NLRP13: variants seen among roughly 807,000 people sequenced by gnomAD.
The protein encoded by NLRP13 is NLR family pyrin domain containing 13, also known as NACHT, LRR and PYD domains-containing protein 13.
In NLRP13, 82 loss-of-function variants were observed where a neutral mutation model predicts 94.4. The observed-to-expected ratio is 0.87, with a 90% CI of 0.73 to 1.04. The LOEUF (loss-of-function observed/expected upper bound fraction) is 1.04, where lower values mean the gene tolerates loss of function less well. NLRP13 is among the 50% of genes least tolerant of loss of function. The probability of loss-of-function intolerance (pLI) is 0.00; values close to 1 mark genes in which losing one functional copy is unlikely to be tolerated. For missense variants in NLRP13, 1,426 were observed against 1,230.8 expected, an observed-to-expected ratio of 1.16 and a Z score of -2.37; for synonymous variants, 553 against 464.7, an observed-to-expected ratio of 1.19 and a Z score of -2.45.
At chr19:55,901,059 C>A (rs1321181092) in intron 9 of NLRP13, among the ~76,000 whole-genome samples, 1 of 152,214 alleles carries the variant, frequency 6.6e-6, no homozygotes, top group African/African-American at 2.4e-5. Context: ...CTCTAATGGG[C>A]TGCCCTGGTA....
rs1485180020 is a variant in NLRP13 at position 55,932,264 on chromosome 19, C to G, written c.48G>C (p.Gly16=). The G allele has an allele frequency of 6.2e-7, 1 of 1,610,930 alleles. No homozygotes were observed. The highest frequency in any genetic ancestry group is 8.5e-7 in the Non-Finnish European group (1 of 1,179,270). Residue 16 remains glycine, a synonymous_variant, in exon 1 of 11, where the codon GGG becomes GGC. Transcript: ENST00000342929. ...ITCPNGGTNQ[G]LLPYLMALDQ... ...CCAGGGCCATCAGGTAAGGCAGAAGCCCTTGGTTGGTACCACCGTTGGGGC... is the reference window on the plus strand; with the variant it reads ...CCAGGGCCATCAGGTAAGGCAGAAGGCCTTGGTTGGTACCACCGTTGGGGC...
At chr19:55,930,898 A>ATATATATATATATATAT in intron 1 of NLRP13, among the ~76,000 whole-genome samples, 4 of 104,892 alleles carry the variant, frequency 3.8e-5, no homozygotes, top group East Asian at 3.9e-4. Context: ...ATATATATAT[A>ATATATATATATATATAT]AAATTTTAAC....
downstream of NLRP13, among the ~76,000 whole-genome samples, chr19:55,892,562 T>C (rs302821): frequency 0.86 from 130,525 of 152,072 alleles, 56,616 homozygotes; most frequent in East Asian, 0.97. Context: ...GCTGGGATTA[T>C]AGGCGCACAC....
intron 4 of NLRP13, among the ~76,000 whole-genome samples, chr19:55,922,431 A>T (rs1321075407): frequency 6.6e-6 from 1 of 151,938 alleles, no homozygotes; most frequent in East Asian, 1.9e-4. Flanking sequence ...AGGTTCAAGC[A>T]ATTCTCCTGC....
intron 8 of NLRP13, among the ~76,000 whole-genome samples, chr19:55,902,501 T>G (rs1219827116): frequency 1.3e-5 from 2 of 152,084 alleles, no homozygotes; most frequent in South Asian, 2.1e-4. Context: ...CTGGAGCCAG[T>G]TGGGCGTGGG....
At chr19:55,910,782 C>G (rs1056420189) in intron 5 of NLRP13, 49 bp from the exon 6 acceptor site, 9 of 1,457,900 alleles carry the variant, frequency 6.2e-6, no homozygotes, top group Middle Eastern at 2.1e-4. Flanking sequence ...TAGCCTCAAG[C>G]AATACCCAGA....
Position 55,912,179 on chromosome 19 carries a change from C to T in NLRP13, c.1638G>A (p.Met546Ile). The stretch of plus-strand genomic sequence containing the variant: ...CTCTAGGTTCCTCTAGCACAAAGGA[C>T]ATGGCTGCAAAAAACTCCTGGAAAC... ...HLSFQEFFAA[M>I]SFVLEEPREF... The change falls in exon 5 of 11, where the codon ATG (methionine) becomes ATA (isoleucine). Residue 546 changes from methionine to isoleucine, a missense_variant. Met to Ile is a conservative substitution (Grantham distance 10). Coordinates refer to ENST00000342929, the MANE Select transcript of NLRP13 (RefSeq NM_176810.2). 3 of 1,614,154 alleles carry T rather than the reference C, an allele frequency of 1.9e-6. No individual in the cohort carries two copies. The highest frequency in any genetic ancestry group is 2.5e-6 in the Non-Finnish European group (3 of 1,180,032).
At chr19:55,895,856 G>T, downstream of NLRP13, 1 of 1,430,372 alleles carries the variant, frequency 7.0e-7, no homozygotes, top group Non-Finnish European at 9.6e-7. Context: ...AGGAAGCCGA[G>T]TGCAATGGAA....
chr19:55,924,970 C>A lies in NLRP13; in HGVS notation c.385G>T (p.Ala129Ser), dbSNP rs1428790080. The A allele has an allele frequency of 6.2e-7, 1 of 1,613,962 alleles. No homozygotes were observed. Among genetic ancestry groups the A allele is most frequent in the Non-Finnish European group, 8.5e-7 (1 of 1,179,806 alleles). Residue 129 changes from alanine (A) to serine (S), a missense_variant, in exon 2 of 11, where the codon GCA becomes TCA. Coordinates refer to ENST00000342929, the MANE Select transcript of NLRP13 (RefSeq NM_176810.2). ...CAACTTAAAGTAGTGTACACACCTG[C>A]TGCTGCTTCTAGCATCTCTAGATCT... ...QEDLEMLEAA[A>S]GNMQTQGCQD...
intron 1 of NLRP13, among the ~76,000 whole-genome samples, chr19:55,930,872 G>T: frequency 5.1e-5 from 1 of 19,766 alleles, no homozygotes; most frequent in East Asian, 6.1e-4. Flanking sequence ...TAGAATCAGT[G>T]ATTATATATA....
intron 1 of NLRP13, among the ~76,000 whole-genome samples, chr19:55,926,278 G>C (rs1986963860): frequency 6.6e-6 from 1 of 152,196 alleles, no homozygotes; most frequent in Admixed American, 6.5e-5. Context: ...GAAAAGCCAG[G>C]CTATTCCAGA....
Position 55,920,104 on chromosome 19 carries a change from T to C in NLRP13, c.523+3810A>G, listed in dbSNP as rs148313476. Among the ~76,000 whole-genome samples the C allele has an allele frequency of 1.9e-3, 290 of 152,206 alleles. 1 individual carries two copies. Among genetic ancestry groups the C allele is most frequent in the Middle Eastern group, 0.014 (4 of 294 alleles). On this transcript the variant is annotated intron_variant, in intron 4 of 10. Transcript: ENST00000342929. The stretch of plus-strand genomic sequence containing the variant: ...AAAGGGCACTCTATTCAATAAACGG[T>C]GCTGGGAAAACTGGCTAGCCATATG...
chr19:55,899,580 G>A (rs111324569), intron 9 of NLRP13, among the ~76,000 whole-genome samples: 15 of 152,216 alleles, frequency 9.9e-5, no homozygotes, highest in Admixed American at 3.9e-4. Context: ...AGGAGTTCGA[G>A]ACCAGCCTGC....
At chr19:55,914,578 A>C (rs2123128164) in intron 4 of NLRP13, among the ~76,000 whole-genome samples, 1 of 152,328 alleles carries the variant, frequency 6.6e-6, no homozygotes, top group African/African-American at 2.4e-5. Context: ...TTAGGAATGA[A>C]TGGTAATCAC....
At chr19:55,907,107 T>TGC (rs1986376327) in intron 7 of NLRP13, among the ~76,000 whole-genome samples, 1 of 152,020 alleles carries the variant, frequency 6.6e-6, no homozygotes, top group Admixed American at 6.6e-5. Context: ...TACAGGCATG[T>TGC]GCCACCACAC....
intron 8 of NLRP13, among the ~76,000 whole-genome samples, chr19:55,904,247 G>A (rs1568689511): frequency 1.3e-5 from 2 of 151,990 alleles, no homozygotes; most frequent in Admixed American, 6.6e-5. Context: ...CACCATGCCC[G>A]ACTAATTTTT....
chr19:55,904,761 A>G (rs535164043), intron 8 of NLRP13, among the ~76,000 whole-genome samples, 181 bp downstream of exon 8: 1 of 152,268 alleles, frequency 6.6e-6, no homozygotes, highest in East Asian at 1.9e-4. Context: ...AGCTCCAGAG[A>G]CGGGATCAAC....
downstream of NLRP13, among the ~76,000 whole-genome samples, chr19:55,895,437 C>T (rs1426731658): frequency 6.6e-6 from 1 of 151,872 alleles, no homozygotes; most frequent in African/African-American, 2.4e-5. Context: ...AATCCCAGCA[C>T]TTTGAGACGC....
chr19:55,921,044 A>G (rs184350507), intron 4 of NLRP13, among the ~76,000 whole-genome samples: 1 of 152,364 alleles, frequency 6.6e-6, no homozygotes. Flanking sequence ...GTTCTTACTT[A>G]TAAGTTGGAA....
Sources: gnomAD v4.1 joint callset for allele counts (sites outside exome capture counted in the v4.1 genomes callset) on GRCh38, gnomAD v4.1.1 for gene constraint, MANE v1.5 for transcripts, NCBI Gene and HGNC (gene_info 2026-07-23, HGNC 2026-07-21) for gene names.